Variants in FAM135B observed in about 807,000 individuals in gnomAD.
FAM135B encodes family with sequence similarity 135 member B, also known as protein FAM135B.
Under a neutral mutation model 127.7 loss-of-function variants are expected in FAM135B, and 43 were observed. The ratio of observed to expected loss-of-function variants is 0.34; its 90% CI spans 0.26 to 0.43. The LOEUF (loss-of-function observed/expected upper bound fraction) is 0.43, where lower values mean the gene tolerates loss of function less well. FAM135B is among the 20% of genes least tolerant of loss of function. The probability of loss-of-function intolerance (pLI) is 1.00; values close to 1 mark genes in which losing one functional copy is unlikely to be tolerated. For missense variants in FAM135B, 1,558 were observed against 1,725.6 expected, an observed-to-expected ratio of 0.90 and a Z score of 1.72; for synonymous variants, 670 against 665.1, an observed-to-expected ratio of 1.01 and a Z score of -0.11.
chr8:138,273,850 A>T, intron 3 of FAM135B, among the ~76,000 whole-genome samples: 1 of 151,756 alleles, frequency 6.6e-6, no homozygotes, highest in East Asian at 1.9e-4. Flanking sequence ...GGTCCCAATT[A>T]TTTTCTCCGT....
chr8:138,416,955 C>A lies in FAM135B; in HGVS notation c.-19-48953G>T, dbSNP rs189616607. On this transcript the variant is annotated intron_variant, in intron 1 of 19. Coordinates refer to ENST00000395297, the MANE Select transcript of FAM135B (RefSeq NM_015912.4). Reference sequence around the variant, plus strand: ...TGGAGTGGCCCAGTCTCATCATGGACCTCCAGAATCCTAGCTTCAGGAGAT... The same window carrying A: ...TGGAGTGGCCCAGTCTCATCATGGAACTCCAGAATCCTAGCTTCAGGAGAT... Among the ~76,000 whole-genome samples, 9 of 152,248 alleles carry A rather than the reference C, an allele frequency of 5.9e-5. No homozygotes were observed. In the East Asian group the frequency reaches 1.4e-3, roughly 23 times the overall value.
intron 2 of FAM135B, among the ~76,000 whole-genome samples, chr8:138,355,238 T>C (rs905342620): frequency 6.6e-6 from 1 of 152,182 alleles, no homozygotes; most frequent in Non-Finnish European, 1.5e-5. Context: ...CAAAGGAATA[T>C]AAATCATGCT....
At chr8:138,336,299 A>G (rs1396921958) in intron 2 of FAM135B, among the ~76,000 whole-genome samples, 1 of 152,234 alleles carries the variant, frequency 6.6e-6, no homozygotes, top group Non-Finnish European at 1.5e-5. Flanking sequence ...AGCCCTTCAA[A>G]AAATCAATGA....
chr8:138,463,751 G>A (rs1837250061), intron 1 of FAM135B, among the ~76,000 whole-genome samples: 1 of 152,194 alleles, frequency 6.6e-6, no homozygotes, highest in Non-Finnish European at 1.5e-5. Flanking sequence ...CTAAGATGCT[G>A]CAGAAGGGAA....
chr8:138,253,762 G>T (rs1167799339), intron 5 of FAM135B, among the ~76,000 whole-genome samples: 1 of 152,128 alleles, frequency 6.6e-6, no homozygotes, highest in Non-Finnish European at 1.5e-5. Flanking sequence ...CCTCATATGA[G>T]AGGCTCTGCT....
chr8:138,423,126 G>C (rs752647944), intron 1 of FAM135B, among the ~76,000 whole-genome samples: 9 of 152,184 alleles, frequency 5.9e-5, no homozygotes, highest in Non-Finnish European at 1.0e-4. Context: ...AGGGTAGAGA[G>C]TGGGAGGGGG....
intron 2 of FAM135B, among the ~76,000 whole-genome samples, chr8:138,324,770 G>A (rs1261857655): frequency 6.6e-6 from 1 of 152,168 alleles, no homozygotes; most frequent in Admixed American, 6.5e-5. Flanking sequence ...TGAGACTCAA[G>A]CCCAAGAAAT....
chr8:138,338,702 C>T (rs1291590808), intron 2 of FAM135B, among the ~76,000 whole-genome samples: 6 of 151,776 alleles, frequency 4.0e-5, no homozygotes, highest in South Asian at 2.1e-4. Context: ...GTCAGTGTGG[C>T]GATTCCTCAG....
In FAM135B at chr8:138,152,234, G is replaced by A. The variant is rs1463597285; in HGVS notation, c.2241C>T (p.Leu747=). Residue 747 remains leucine, a synonymous_variant, in exon 13 of 20, where the codon CTC becomes CTT. Coordinates refer to ENST00000395297, the MANE Select transcript of FAM135B (RefSeq NM_015912.4). ...TSLPSGIQAS[L]TSISSLPFEE... is the part of the protein sequence containing the mutation. ...CAAAAGGTAAAGAGCTAATGGAGGT[G>A]AGAGAAGCCTGGATGCCGCTTGGCA... 1.2e-6 allele frequency: 2 copies of A among 1,614,156 alleles called. No homozygotes were observed. Among genetic ancestry groups the A allele is most frequent in the East Asian group, 2.2e-5 (1 of 44,860 alleles).
At chr8:138,397,684 G>A (rs370763006) in intron 1 of FAM135B, among the ~76,000 whole-genome samples, 1 of 152,012 alleles carries the variant, frequency 6.6e-6, no homozygotes, top group Non-Finnish European at 1.5e-5. Context: ...CCACTCCCTG[G>A]GCTCCACATG....
At chr8:138,299,419 C>A (rs1563871815) in intron 3 of FAM135B, among the ~76,000 whole-genome samples, 1 of 152,150 alleles carries the variant, frequency 6.6e-6, no homozygotes, top group Non-Finnish European at 1.5e-5. Flanking sequence ...ATGAGCCCAG[C>A]AGAGGTGGAC....
rs532773692 is a variant in FAM135B, at chr8:138,328,047, C to T, written c.78-17127G>A. ...CAGGGCCTTATTATCATTCTTGTCT[C>T]GGGGAACAAGCCTAAAACTGCATTC... is the stretch of plus-strand genomic sequence containing the variant. On this transcript the variant is annotated intron_variant, in intron 2 of 19. Coordinates refer to ENST00000395297, the MANE Select transcript of FAM135B (RefSeq NM_015912.4). 3.3e-5 allele frequency among the ~76,000 whole-genome samples: 5 copies of T among 152,086 alleles called. No individual in the cohort carries two copies. In the East Asian group the frequency reaches 5.8e-4, roughly 18 times the overall value.
At chr8:138,410,445 T>C (rs1293084001) in intron 1 of FAM135B, among the ~76,000 whole-genome samples, 1 of 152,154 alleles carries the variant, frequency 6.6e-6, no homozygotes. Flanking sequence ...GAACTGGCGA[T>C]ATAGCCAAGG....
At chr8:138,185,961 G>A (rs1181680882) in intron 9 of FAM135B, among the ~76,000 whole-genome samples, 2 of 152,110 alleles carry the variant, frequency 1.3e-5, no homozygotes, top group Non-Finnish European at 2.9e-5. Flanking sequence ...CCCCACCTGA[G>A]CTCCACCTAG....
chr8:138,141,093 G>T lies in FAM135B; in HGVS notation c.3790+105C>A. On this transcript the variant is annotated intron_variant, in intron 17 of 19. Coordinates refer to ENST00000395297, the MANE Select transcript of FAM135B (RefSeq NM_015912.4). This position sits in a 1 kb window ranked among gnomAD's most constrained non-coding sequence, Gnocchi z 4.7. ...CTCCCTCCATGCCATGCTTGGAAAA[G>T]ACTGCACAGTCACAGGGTTCCAAGT... is the stretch of plus-strand genomic sequence containing the variant. 8.9e-7 allele frequency: 1 copy of T among 1,117,470 alleles called. No individual in the cohort carries two copies. The highest frequency in any genetic ancestry group is 1.3e-6 in the Non-Finnish European group (1 of 771,302). 69.2% of individuals were successfully genotyped at this position (1,117,470 alleles called of 1,614,324 possible).
At chr8:138,298,073 C>T (rs1825606397) in intron 3 of FAM135B, among the ~76,000 whole-genome samples, 1 of 152,140 alleles carries the variant, frequency 6.6e-6, no homozygotes, top group Non-Finnish European at 1.5e-5. Flanking sequence ...TTTCTCTACA[C>T]CTAAATTTCC....
At chr8:138,487,080 T>C (rs1815012029) in intron 1 of FAM135B, among the ~76,000 whole-genome samples, 1 of 152,178 alleles carries the variant, frequency 6.6e-6, no homozygotes, top group African/African-American at 2.4e-5. Flanking sequence ...CTCAAAATGG[T>C]ACAAGTTGAT....
intron 2 of FAM135B, among the ~76,000 whole-genome samples, chr8:138,318,228 A>T (rs1287736820): frequency 6.6e-6 from 1 of 152,218 alleles, no homozygotes; most frequent in Non-Finnish European, 1.5e-5. Flanking sequence ...TACTTTTAGT[A>T]TTTCTTTAAT....
At chr8:138,186,096 C>T (rs370613361) in intron 9 of FAM135B, among the ~76,000 whole-genome samples, 1 of 152,172 alleles carries the variant, frequency 6.6e-6, no homozygotes, top group Admixed American at 6.5e-5. Context: ...TCCTTCAGGG[C>T]AATGTCCCAG....
Sources: allele counts gnomAD v4.1 joint callset (sites outside exome capture counted in the v4.1 genomes callset), GRCh38; gene constraint gnomAD v4.1.1; non-coding constraint Gnocchi (gnomAD v3.1); transcripts MANE v1.5; gene names NCBI Gene and HGNC (gene_info 2026-07-23, HGNC 2026-07-21).